Variants in EPHA6 observed in about 807,000 individuals in gnomAD.
EPHA6 encodes the protein EPH receptor A6, also known as ephrin type-A receptor 6.
Under a neutral mutation model 112.0 loss-of-function variants are expected in EPHA6, and 50 were observed. That is an observed-to-expected ratio of 0.45 (90% CI 0.36 to 0.56). EPHA6 has a LOEUF of 0.56. Ranked by LOEUF, EPHA6 falls within the 20% of genes least tolerant of loss-of-function variation. The probability of loss-of-function intolerance (pLI) is 0.00; values close to 1 mark genes in which losing one functional copy is unlikely to be tolerated. For synonymous variants in EPHA6, 529 were observed against 490.7 expected, an observed-to-expected ratio of 1.08 and a Z score of -1.03; for missense variants, 1,280 against 1,417.4, an observed-to-expected ratio of 0.90 and a Z score of 1.56.
chr3:97,585,629 C>T (rs1199605846), intron 11 of EPHA6, among the ~76,000 whole-genome samples: 4 of 151,158 alleles, frequency 2.6e-5, no homozygotes, highest in African/African-American at 9.9e-5. Flanking sequence ...AAAAATAAAA[C>T]AGTAATGGTC....
chr3:97,475,899 A>G (rs954201842), intron 8 of EPHA6, among the ~76,000 whole-genome samples: 2 of 152,164 alleles, frequency 1.3e-5, no homozygotes, highest in Non-Finnish European at 2.9e-5. Context: ...TATAAATCCA[A>G]TATTTCTATA....
intron 3 of EPHA6, among the ~76,000 whole-genome samples, chr3:97,018,515 G>C (rs1229964005): frequency 2.6e-5 from 4 of 152,304 alleles, no homozygotes; most frequent in South Asian, 2.1e-4. Flanking sequence ...GTGTCCACTG[G>C]CCATAGGGCC....
rs529528417 is a variant in EPHA6 at position 97,551,386 on chromosome 3, A to T, written c.2386+18843A>T. Among the ~76,000 whole-genome samples the T allele has an allele frequency of 3.3e-5, 5 of 152,252 alleles. No homozygotes were observed. The South Asian group carries it at 1.0e-3, about 32-fold the overall frequency. ...ATGATGTAAATTCATTGACATTTTC[A>T]TTGGGTTATATCAATCACTGTTGGT... On this transcript the variant is annotated intron_variant, in intron 11 of 17. Coordinates refer to ENST00000389672, the MANE Select transcript of EPHA6 (RefSeq NM_001080448.3).
chr3:97,633,420 T>A (rs989627065), intron 13 of EPHA6, among the ~76,000 whole-genome samples: 9 of 152,086 alleles, frequency 5.9e-5, no homozygotes, highest in African/African-American at 2.2e-4. Flanking sequence ...CATAAAAAAA[T>A]TCATAGTTTC....
intron 5 of EPHA6, among the ~76,000 whole-genome samples, chr3:97,307,224 C>T (rs941032107): frequency 2.6e-5 from 4 of 151,714 alleles, no homozygotes; most frequent in African/African-American, 7.3e-5. Context: ...CCCGCCCACT[C>T]TTCTAGAGAT....
At chr3:97,437,670 T>C (rs1180963347) in intron 6 of EPHA6, among the ~76,000 whole-genome samples, 1 of 152,088 alleles carries the variant, frequency 6.6e-6, no homozygotes, top group Non-Finnish European at 1.5e-5. Flanking sequence ...TTTTTGGTTG[T>C]TGTTTTTGTT....
At chr3:97,422,707 T>C (rs946608652) in intron 6 of EPHA6, among the ~76,000 whole-genome samples, 1 of 151,756 alleles carries the variant, frequency 6.6e-6, no homozygotes, top group Non-Finnish European at 1.5e-5. Flanking sequence ...AATTACAAAA[T>C]CAAAAAAGAA....
At position 97,196,438 on chromosome 3, in the gene EPHA6, C is replaced by G. The variant is rs183452272; in HGVS notation, c.1115-29826C>G. Among the ~76,000 whole-genome samples the G allele has an allele frequency of 2.6e-3, 393 of 152,138 alleles. 2 individuals carry two copies. Among genetic ancestry groups the G allele is most frequent in the African/African-American group, 8.5e-3 (355 of 41,546 alleles). ...CCTCAAAACAGCCATTTTGAATTGT[C>G]TGTCTGAAAGATCACATTTCTCTGT... is the stretch of plus-strand genomic sequence containing the variant. On this transcript the variant is annotated intron_variant, in intron 3 of 17. Coordinates refer to ENST00000389672, the MANE Select transcript of EPHA6 (RefSeq NM_001080448.3).
intron 5 of EPHA6, among the ~76,000 whole-genome samples, chr3:97,356,828 T>C (rs1308795343): frequency 6.6e-6 from 1 of 152,186 alleles, no homozygotes; most frequent in African/African-American, 2.4e-5. Context: ...TTAAGCCCTA[T>C]GTCCTTACTT....
chr3:96,959,483 A>G (rs2041882525), intron 2 of EPHA6, among the ~76,000 whole-genome samples: 3 of 152,100 alleles, frequency 2.0e-5, no homozygotes, highest in Admixed American at 6.6e-5. Flanking sequence ...TATAATTTGA[A>G]GCACAGATAT....
chr3:97,554,728 C>T lies in EPHA6; in HGVS notation c.2386+22185C>T, dbSNP rs2093078434. The stretch of plus-strand genomic sequence containing the variant: ...CTTGCAGGTTACATTAAGAACAGTT[C>T]CTTGTGTCTGTACTTGAGAACAGAC... On this transcript the variant is annotated intron_variant, in intron 11 of 17. Coordinates refer to ENST00000389672, the MANE Select transcript of EPHA6 (RefSeq NM_001080448.3). Among the ~76,000 whole-genome samples the T allele has an allele frequency of 3.3e-5, 5 of 151,932 alleles. No homozygotes were observed. In the South Asian group the frequency reaches 6.2e-4, roughly 19 times the overall value.
chr3:96,830,669 T>C (rs1211147072), intron 1 of EPHA6, among the ~76,000 whole-genome samples: 3 of 152,012 alleles, frequency 2.0e-5, no homozygotes, highest in Admixed American at 6.6e-5. Flanking sequence ...ATATTATTTA[T>C]CTTTAAGTCT....
intron 10 of EPHA6, among the ~76,000 whole-genome samples, chr3:97,509,236 A>T (rs934748546): frequency 2.0e-5 from 3 of 151,748 alleles, no homozygotes; most frequent in African/African-American, 7.3e-5. Context: ...TTATGATGTT[A>T]GCTGGTTATT....
chr3:96,829,008 A>G (rs371066905), intron 1 of EPHA6, among the ~76,000 whole-genome samples: 1 of 152,130 alleles, frequency 6.6e-6, no homozygotes, highest in African/African-American at 2.4e-5. Flanking sequence ...AGATTTCTAC[A>G]TATGGACTAA....
At chr3:97,438,092 TTTC>T (rs1412211818) in intron 6 of EPHA6, among the ~76,000 whole-genome samples, 1 of 152,184 alleles carries the variant, frequency 6.6e-6, no homozygotes, top group South Asian at 2.1e-4. Context: ...ATGAAGGCAT[TTTC>T]TTCAGGGCCA....
chr3:96,916,980 T>G (rs2039512074), intron 2 of EPHA6, among the ~76,000 whole-genome samples: 1 of 152,190 alleles, frequency 6.6e-6, no homozygotes, highest in African/African-American at 2.4e-5. Flanking sequence ...ATTGCTGTGC[T>G]TTCAGTGGGC....
At chr3:96,914,773 A>AT (rs1198883582) in intron 2 of EPHA6, among the ~76,000 whole-genome samples, 1 of 152,028 alleles carries the variant, frequency 6.6e-6, no homozygotes, top group Non-Finnish European at 1.5e-5. Flanking sequence ...GTATATTTTG[A>AT]TTTTTTTCAT....
intron 3 of EPHA6, among the ~76,000 whole-genome samples, chr3:97,219,634 A>G (rs1205323074): frequency 6.6e-6 from 1 of 152,120 alleles, no homozygotes; most frequent in Non-Finnish European, 1.5e-5. Context: ...GGCCCAGCCC[A>G]CGAAACCTTT....
At chr3:97,500,288 T>A (rs928357344) in intron 10 of EPHA6, among the ~76,000 whole-genome samples, 2 of 151,966 alleles carry the variant, frequency 1.3e-5, no homozygotes, top group African/African-American at 4.8e-5. Flanking sequence ...ATTTTATTTT[T>A]TTTTTAAAAA....
Sources: allele counts gnomAD v4.1 joint callset (sites outside exome capture counted in the v4.1 genomes callset), GRCh38; gene constraint gnomAD v4.1.1; transcripts MANE v1.5; gene names NCBI Gene and HGNC (gene_info 2026-07-23, HGNC 2026-07-21).